Variants in CEP68 observed in about 807,000 individuals in gnomAD.
The protein encoded by CEP68 is centrosomal protein of 68 kDa.
Under a neutral mutation model 55.3 loss-of-function variants are expected in CEP68, and 26 were observed. That is an observed-to-expected ratio of 0.47 (90% CI 0.34 to 0.65). The LOEUF is 0.65. Ranked by LOEUF, CEP68 falls within the 30% of genes least tolerant of loss-of-function variation. The pLI is 0.01. For synonymous variants in CEP68, 402 were observed against 383.2 expected, an observed-to-expected ratio of 1.05 and a Z score of -0.57; for missense variants, 957 against 946.7, an observed-to-expected ratio of 1.01 and a Z score of -0.14.
intron 1 of CEP68, 89 bp from the exon 2 acceptor site, chr2:65,069,310 A>G (rs1000421607): frequency 1.4e-6 from 1 of 718,966 alleles, no homozygotes; most frequent in East Asian, 2.6e-5. Flanking sequence ...TTGACCAAAA[A>G]TATGTTTGCC....
At chr2:65,066,572 A>G (rs890992230) in intron 1 of CEP68, among the ~76,000 whole-genome samples, 4 of 151,556 alleles carry the variant, frequency 2.6e-5, no homozygotes, top group African/African-American at 7.3e-5. Context: ...TACTAAAAAT[A>G]TAAAAATTAG....
At position 65,072,918 on chromosome 2, in the gene CEP68, G is replaced by A. The variant is rs369444905; in HGVS notation, c.1822G>A (p.Glu608Lys). Reference sequence around the variant, plus strand: ...GTGGCCATTCTCAGACCCAGATGTTGAAGGGCAGCTTCCCAGGAAAGGAGG... The same window carrying A: ...GTGGCCATTCTCAGACCCAGATGTTAAAGGGCAGCTTCCCAGGAAAGGAGG... The part of the protein sequence containing the change: ...DRWPFSDPDV[E>K]GQLPRKGGEQ... The change falls in exon 3 of 7, where the codon GAA (glutamate) becomes AAA (lysine). Residue 608 changes from glutamate (E) to lysine (K), a missense_variant. Physicochemically the swap from Glu to Lys is moderately conservative, Grantham distance 56. Coordinates refer to ENST00000377990, the MANE Select transcript of CEP68 (RefSeq NM_015147.3). 3.3e-5 allele frequency: 54 copies of A among 1,614,150 alleles called. No individual in the cohort carries two copies. The African/African-American group carries it at 6.4e-4, about 19-fold the overall frequency.
chr2:65,058,724 C>G (rs1300102213), intron 1 of CEP68, among the ~76,000 whole-genome samples: 1 of 151,952 alleles, frequency 6.6e-6, no homozygotes, highest in East Asian at 1.9e-4. Context: ...CCAGCCTGGT[C>G]TTGAACTCCT....
chr2:65,071,522 T>C lies in CEP68; in HGVS notation c.426T>C (p.Thr142=). 6.2e-7 allele frequency: 1 copy of C among 1,614,096 alleles called. No individual in the cohort carries two copies. Among genetic ancestry groups the C allele is most frequent in the Non-Finnish European group, 8.5e-7 (1 of 1,180,002 alleles). ...CTCTGAGCCTTCCCAGAACAACAAC[T>C]ATTTGCTCAGGACATGATGCTGATA... ...PQTLSLPRTT[T]ICSGHDADTE... is the part of the protein sequence containing the mutation. The change falls in exon 3 of 7, where the codon ACT becomes ACC. Residue 142 remains threonine, a synonymous_variant. Coordinates refer to ENST00000377990, the MANE Select transcript of CEP68 (RefSeq NM_015147.3).
chr2:65,061,975 G>A (rs919808174), intron 1 of CEP68, among the ~76,000 whole-genome samples: 7 of 152,226 alleles, frequency 4.6e-5, no homozygotes, highest in Non-Finnish European at 8.8e-5. Flanking sequence ...TGGAGAAAGA[G>A]CAGCATGGAA....
At position 65,072,828 on chromosome 2, in the gene CEP68, C is replaced by G; in HGVS notation, c.1732C>G (p.Gln578Glu). 1 of 1,614,212 alleles carries G rather than the reference C, an allele frequency of 6.2e-7. No homozygotes were observed. The highest frequency in any genetic ancestry group is 8.5e-7 in the Non-Finnish European group (1 of 1,180,042). The change falls in exon 3 of 7, where the codon CAG becomes GAG. Residue 578 changes from glutamine (Q) to glutamate (E), a missense_variant. Gln to Glu is a conservative substitution (Grantham distance 29). Coordinates refer to ENST00000377990, the MANE Select transcript of CEP68 (RefSeq NM_015147.3). ...AGGGGAAGGCAGTCTGGGGAGCAGC[C>G]AGGCCCTCGGGGTCTCCTCTGGACT... ...SAGEGSLGSS[Q>E]ALGVSSGLLK... is the part of the protein sequence containing the mutation.
Position 65,071,688 on chromosome 2 carries a change from A to T in CEP68, c.592A>T (p.Ile198Phe), listed in dbSNP as rs1372910521. ...CGCAGCTCAGCCTTCCAGCTGCAGC[A>T]TCTCTGCTTCCTCCACAGGCAGCAG... Reference protein sequence around the residue: ...GSAAQPSSCSISASSTGSSLQ... With the variant: ...GSAAQPSSCSFSASSTGSSLQ... The change falls in exon 3 of 7, where the codon ATC (isoleucine) becomes TTC (phenylalanine). Residue 198 changes from isoleucine (I) to phenylalanine (F), a missense_variant. Physicochemically the swap from Ile to Phe is conservative, Grantham distance 21. Transcript: ENST00000377990. 6.2e-7 allele frequency: 1 copy of T among 1,614,138 alleles called. No individual in the cohort carries two copies.
chr2:65,074,841 A>G, intron 4 of CEP68: 1 of 246,694 alleles, frequency 4.1e-6, no homozygotes, highest in Non-Finnish European at 8.1e-6. Flanking sequence ...ATAATTTTCC[A>G]AATGTCTCAG....
chr2:65,066,745 A>AT (rs1553384178), intron 1 of CEP68, among the ~76,000 whole-genome samples: 1,728 of 58,156 alleles, frequency 0.03, 29 homozygotes, highest in Non-Finnish European at 0.036. Flanking sequence ...AAAAAAAAAA[A>AT]ATATATATAT....
chr2:65,081,922 C>T (rs1296177473), intron 5 of CEP68, among the ~76,000 whole-genome samples: 1 of 152,216 alleles, frequency 6.6e-6, no homozygotes, highest in Non-Finnish European at 1.5e-5. Context: ...GTCTCCAACT[C>T]CTGACCTCAG....
rs1163957574 is a variant in CEP68 at position 65,065,884 on chromosome 2, G to T, written c.-46-3515G>T. ...AGCAGGAGAATTGCTTGAAGCCAGG[G>T]GCCGGAGGTTGCAGTGAGCCAAGAT... On this transcript the variant is annotated intron_variant, in intron 1 of 6. Coordinates refer to ENST00000377990, the MANE Select transcript of CEP68 (RefSeq NM_015147.3). Among the ~76,000 whole-genome samples, 5 of 151,760 alleles carry T rather than the reference G, an allele frequency of 3.3e-5. No homozygotes were observed. In the East Asian group the frequency reaches 9.6e-4, roughly 29 times the overall value.
intron 2 of CEP68, chr2:65,071,050 G>A (rs1182416466): frequency 1.3e-5 from 3 of 222,310 alleles, no homozygotes; most frequent in South Asian, 1.4e-4. Flanking sequence ...GCAGGATGGG[G>A]TCTGGGGCGA....
chr2:65,064,683 G>T (rs1039443341), intron 1 of CEP68, among the ~76,000 whole-genome samples: 17 of 149,546 alleles, frequency 1.1e-4, no homozygotes, highest in Admixed American at 2.7e-4. Flanking sequence ...GCAGTGAGCT[G>T]AGATAGCGCC....
intron 1 of CEP68, among the ~76,000 whole-genome samples, chr2:65,057,615 C>T (rs1675695803): frequency 6.6e-6 from 1 of 152,170 alleles, no homozygotes; most frequent in South Asian, 2.1e-4. Flanking sequence ...TTTCCCCAGC[C>T]CCTAGCACAA....
At chr2:65,061,790 T>C (rs1675925476) in intron 1 of CEP68, among the ~76,000 whole-genome samples, 1 of 152,228 alleles carries the variant, frequency 6.6e-6, no homozygotes, top group African/African-American at 2.4e-5. Flanking sequence ...CTTTTGTGAC[T>C]GGCCCCTTTG....
chr2:65,071,131 C>T, intron 2 of CEP68: 1 of 338,670 alleles, frequency 3.0e-6, no homozygotes, highest in East Asian at 6.2e-5. Context: ...AGACGCTTCT[C>T]AGAGGTAAGG....
chr2:65,060,015 TA>T lies in CEP68; in HGVS notation c.-47+3496del, dbSNP rs149151993. Among the ~76,000 whole-genome samples the T allele has an allele frequency of 3.8e-3, 581 of 151,356 alleles. 9 individuals are homozygous for T. Among genetic ancestry groups the T allele is most frequent in the African/African-American group, 0.013 (551 of 41,144 alleles). On this transcript the variant is annotated intron_variant, in intron 1 of 6. Coordinates refer to ENST00000377990, the MANE Select transcript of CEP68 (RefSeq NM_015147.3). ...TGTTTTAACAATTTCTCTATCTTGT[TA>T]AAAAAAAACTATTTGAGGAATTGTT...
In CEP68 at chr2:65,058,694, A is replaced by G. The variant is rs189598764; in HGVS notation, c.-47+2166A>G. Reference sequence around the variant, plus strand: ...GCTAATTTTTGTATTTTTGGTAGAGACAGGGTTTCGCCATGTTGTCCAGCC... The same window carrying G: ...GCTAATTTTTGTATTTTTGGTAGAGGCAGGGTTTCGCCATGTTGTCCAGCC... On this transcript the variant is annotated intron_variant, in intron 1 of 6. Coordinates refer to ENST00000377990, the MANE Select transcript of CEP68 (RefSeq NM_015147.3). Among the ~76,000 whole-genome samples, 286 of 151,490 alleles carry G rather than the reference A, an allele frequency of 1.9e-3. 1 individual carries two copies. Among genetic ancestry groups the G allele is most frequent in the African/African-American group, 6.6e-3 (273 of 41,236 alleles).
At chr2:65,058,569 C>G (rs1166742324) in intron 1 of CEP68, among the ~76,000 whole-genome samples, 1 of 133,066 alleles carries the variant, frequency 7.5e-6, no homozygotes, top group African/African-American at 2.9e-5. Context: ...TGCAATGGCA[C>G]AGTCTCAGCT....
Sources: gnomAD v4.1 joint callset for allele counts (sites outside exome capture counted in the v4.1 genomes callset) on GRCh38, gnomAD v4.1.1 for gene constraint, MANE v1.5 for transcripts, NCBI Gene and HGNC (gene_info 2026-07-23, HGNC 2026-07-21) for gene names.